KCNQ2: variants seen among roughly 807,000 people sequenced by gnomAD.
The protein encoded by KCNQ2 is potassium voltage-gated channel subfamily KQT member 2.
In KCNQ2, 14 loss-of-function variants were observed where a neutral mutation model predicts 84.8. The observed-to-expected ratio is 0.17, with a 90% CI of 0.11 to 0.26. The LOEUF (loss-of-function observed/expected upper bound fraction) is 0.26. Ranked by LOEUF, KCNQ2 falls within the 10% of genes least tolerant of loss-of-function variation. The probability of loss-of-function intolerance (pLI) is 1.00; values close to 1 mark genes in which losing one functional copy is unlikely to be tolerated. For missense variants in KCNQ2, 788 were observed against 1,254.0 expected (o/e 0.63, Z 5.61); for synonymous variants, 599 against 554.1 (o/e 1.08, Z -1.14).
At chr20:63,422,509 G>A (rs2080503243) in intron 11 of KCNQ2, 1 of 152,614 alleles carries the variant, frequency 6.6e-6, no homozygotes, top group African/African-American at 2.4e-5. Context: ...CGTGGGGGAG[G>A]GCGTGGGAGG....
In KCNQ2 at chr20:63,436,526, G is replaced by A. The variant is rs547703621; in HGVS notation, c.1023+2099C>T. 7.2e-3 allele frequency among the ~76,000 whole-genome samples: 1,063 copies of A among 147,244 alleles called. 7 individuals are homozygous for A. Among genetic ancestry groups the A allele is most frequent in the African/African-American group, 0.019 (761 of 40,000 alleles). ...AGCCTGGGCAACAGAGCGAGACTCC[G>A]TCTCAAAAAAAAAAAAAAAATCGCC... On this transcript the variant is annotated intron_variant, in intron 7 of 16. Coordinates refer to ENST00000359125, the MANE Select transcript of KCNQ2 (RefSeq NM_172107.4).
At chr20:63,459,477 A>C (rs2081894051) in intron 1 of KCNQ2, 1 of 152,220 alleles carries the variant, frequency 6.6e-6, no homozygotes, top group Non-Finnish European at 1.5e-5. Context: ...GAGACACTGC[A>C]CTCCAGCCTG....
chr20:63,466,014 T>C (rs1470388027), intron 1 of KCNQ2, among the ~76,000 whole-genome samples: 2 of 152,134 alleles, frequency 1.3e-5, no homozygotes, highest in African/African-American at 2.4e-5. Flanking sequence ...CTGCAGCTCT[T>C]TCACAGCTTA....
intron 1 of KCNQ2, among the ~76,000 whole-genome samples, chr20:63,462,794 G>A (rs759448796): frequency 2.0e-5 from 3 of 152,140 alleles, no homozygotes; most frequent in Non-Finnish European, 4.4e-5. Flanking sequence ...AGTCGTGAGC[G>A]CCCGACGGAG....
chr20:63,439,575 C>A (rs763116218), intron 6 of KCNQ2, 23 bp downstream of exon 6: 3 of 1,566,376 alleles, frequency 1.9e-6, no homozygotes, highest in Non-Finnish European at 2.6e-6. Context: ...CCCTCCAAGG[C>A]AGGCAGGGGC....
chr20:63,445,680 G>C, intron 2 of KCNQ2: 1 of 269,382 alleles, frequency 3.7e-6, no homozygotes. Context: ...CCCTGTCTGA[G>C]CTAGGGGGTT....
intron 4 of KCNQ2, among the ~76,000 whole-genome samples, chr20:63,442,950 T>C (rs200984880): frequency 0.012 from 174 of 15,040 alleles, no homozygotes; most frequent in Non-Finnish European, 0.013. Context: ...ACCATCACCA[T>C]CATCACCATC....
At position 63,460,747 on chromosome 20, in the gene KCNQ2, A is replaced by G; in HGVS notation, c.296+11421T>C. Among the ~76,000 whole-genome samples the G allele has an allele frequency of 6.6e-6, 1 of 152,200 alleles. No homozygotes were observed. The highest frequency in any genetic ancestry group is 1.5e-5 in the Non-Finnish European group (1 of 68,020). On this transcript the variant is annotated intron_variant, in intron 1 of 16. Coordinates refer to ENST00000359125, the MANE Select transcript of KCNQ2 (RefSeq NM_172107.4). The surrounding 1 kb of genome is among the most constrained non-coding windows in gnomAD (Gnocchi z 5.4). ...TTCAGGCAGACCCGGGGCCTGCAGG[A>G]CAGCCCTGGATGGGACACATGTGGA...
intron 1 of KCNQ2, among the ~76,000 whole-genome samples, chr20:63,468,982 G>A (rs570573147): frequency 2.0e-5 from 3 of 152,338 alleles, no homozygotes; most frequent in South Asian, 2.1e-4. Context: ...GTAACTAAGC[G>A]GTAACTGAGG....
intron 15 of KCNQ2, chr20:63,410,140 T>G (rs954011116): frequency 6.6e-5 from 13 of 198,038 alleles, no homozygotes; most frequent in African/African-American, 3.1e-4. Flanking sequence ...GAGGGGACCC[T>G]CTGGCTCCGA....
chr20:63,437,398 T>A (rs960104877), intron 7 of KCNQ2: 1 of 152,252 alleles, frequency 6.6e-6, no homozygotes. Context: ...TTCTTAAAAC[T>A]CTTGCCTGGA....
chr20:63,413,672 G>T (rs928388605), intron 14 of KCNQ2, 91 bp from the exon 15 acceptor site: 15 of 1,461,834 alleles, frequency 1.0e-5, no homozygotes, highest in Non-Finnish European at 1.0e-5. Flanking sequence ...AGACCTCGGC[G>T]CCTGGAGATG....
chr20:63,434,316 C>T (rs1182908708), intron 7 of KCNQ2: 2 of 201,944 alleles, frequency 9.9e-6, no homozygotes, highest in Non-Finnish European at 2.0e-5. Context: ...GGCCAGGGAC[C>T]TCAGCCTCCA....
At chr20:63,449,349 C>G (rs755120638) in intron 1 of KCNQ2, 1 of 152,274 alleles carries the variant, frequency 6.6e-6, no homozygotes, top group South Asian at 2.1e-4. Context: ...GTCCCTGCTG[C>G]GAGCCCACGC....
rs2079795665 is a variant in KCNQ2 at position 63,400,883 on chromosome 20, G to A, written c.*5761C>T. The A allele has an allele frequency of 2.5e-6, 1 of 398,386 alleles. No individual in the cohort carries two copies. Among genetic ancestry groups the A allele is most frequent in the Non-Finnish European group, 4.4e-6 (1 of 225,870 alleles). 24.7% of individuals were successfully genotyped at this position (398,386 alleles called of 1,614,324 possible). ...CCGCCCCACCTGTTCGCAGGGTCCA[G>A]GGCGTCCGTACCTGGCACAGCCAGG... On this transcript the variant is annotated 3_prime_UTR_variant, in exon 17 of 17. Coordinates refer to ENST00000359125, the MANE Select transcript of KCNQ2 (RefSeq NM_172107.4). This position sits in a 1 kb window ranked among gnomAD's most constrained non-coding sequence, Gnocchi z 8.7.
intron 9 of KCNQ2, among the ~76,000 whole-genome samples, chr20:63,429,750 C>T (rs2080737916): frequency 6.6e-6 from 1 of 152,220 alleles, no homozygotes; most frequent in South Asian, 2.1e-4. Flanking sequence ...TCCAGCCACA[C>T]TCCTCCCTCC....
intron 1 of KCNQ2, among the ~76,000 whole-genome samples, chr20:63,454,937 TG>T (rs1228026869): frequency 2.0e-5 from 3 of 152,136 alleles, no homozygotes; most frequent in Admixed American, 2.0e-4. Context: ...GCCCACAGTG[TG>T]GGTACAGCCC....
chr20:63,447,228 C>T (rs1426069454), intron 1 of KCNQ2: 1 of 291,956 alleles, frequency 3.4e-6, no homozygotes, highest in Non-Finnish European at 6.7e-6. Context: ...CTGCTACAAA[C>T]ACAGGAACAA....
rs1371653224 is a variant in KCNQ2 at position 63,400,278 on chromosome 20, C to A, written c.*6366G>T. On this transcript the variant is annotated 3_prime_UTR_variant, in exon 17 of 17. Transcript: ENST00000359125. This position sits in a 1 kb window ranked among gnomAD's most constrained non-coding sequence, Gnocchi z 8.7. ...GCGTCCGAACTCGTCCCCGTGGCAG[C>A]AGGGATCCCCAGAACCTTCCACGGC... is the stretch of plus-strand genomic sequence containing the variant. The A allele has an allele frequency of 4.4e-6, 1 of 227,088 alleles. No individual in the cohort carries two copies. The highest frequency in any genetic ancestry group is 1.8e-4 in the South Asian group (1 of 5,458). The allele number at this position is 227,088 out of a possible 1,614,324, so 14.1% of individuals were successfully genotyped here.
Sources: gnomAD v4.1 joint callset for allele counts (sites outside exome capture counted in the v4.1 genomes callset) on GRCh38, gnomAD v4.1.1 for gene constraint, Gnocchi (gnomAD v3.1) non-coding constraint, MANE v1.5 for transcripts, NCBI Gene and HGNC (gene_info 2026-07-23, HGNC 2026-07-21) for gene names.